XKR4: variants seen among roughly 807,000 people sequenced by gnomAD.
The protein encoded by XKR4 is XK-related protein 4.
Under a neutral mutation model 53.9 loss-of-function variants are expected in XKR4, and 12 were observed. The observed-to-expected ratio is 0.22, with a 90% CI of 0.14 to 0.36. XKR4 has a LOEUF of 0.36. Among genes scored for constraint, XKR4 ranks in the 10% least tolerant of loss-of-function variants. The pLI is 1.00. For synonymous variants in XKR4, 354 were observed against 362.4 expected (o/e 0.98, Z 0.26); for missense variants, 799 against 859.5 (o/e 0.93, Z 0.88).
At chr8:55,130,701 T>A (rs554443687) in intron 1 of XKR4, among the ~76,000 whole-genome samples, 3 of 152,270 alleles carry the variant, frequency 2.0e-5, no homozygotes, top group Admixed American at 2.0e-4. Flanking sequence ...TAGGCCCCCA[T>A]TATCTATGAG....
intron 2 of XKR4, chr8:55,451,462 TC>T: frequency 1.6e-6 from 2 of 1,249,200 alleles, no homozygotes; most frequent in Non-Finnish European, 2.3e-6. Context: ...CTTCTCCTGC[TC>T]CAGGCTACTC....
chr8:55,451,295 G>T, intron 2 of XKR4: 3 of 595,394 alleles, frequency 5.0e-6, no homozygotes. Context: ...GGTGCAGTCA[G>T]TCTGGATGCC....
intron 1 of XKR4, among the ~76,000 whole-genome samples, chr8:55,282,348 G>T (rs1818855346): frequency 6.6e-6 from 1 of 152,106 alleles, no homozygotes; most frequent in Admixed American, 6.5e-5. Context: ...TGCTATAAAG[G>T]AATACCTGAG....
intron 1 of XKR4, among the ~76,000 whole-genome samples, chr8:55,342,695 C>T (rs1466901506): frequency 6.6e-6 from 1 of 152,180 alleles, no homozygotes; most frequent in Non-Finnish European, 1.5e-5. Flanking sequence ...GGCTTGCTTC[C>T]TCTTCCTCCT....
chr8:55,147,576 G>A (rs537415098), intron 1 of XKR4, among the ~76,000 whole-genome samples: 11 of 152,264 alleles, frequency 7.2e-5, no homozygotes, highest in South Asian at 2.1e-4. Context: ...GTTCCTGTCC[G>A]AGGAGGCAAG....
At chr8:55,495,861 A>G (rs574098912) in intron 2 of XKR4, among the ~76,000 whole-genome samples, 2 of 152,360 alleles carry the variant, frequency 1.3e-5, no homozygotes, top group East Asian at 3.9e-4. Context: ...TGGCCACTCC[A>G]GATGGCCTGC....
intron 1 of XKR4, among the ~76,000 whole-genome samples, chr8:55,286,371 C>T (rs141120617): frequency 2.6e-5 from 4 of 152,302 alleles, no homozygotes; most frequent in African/African-American, 7.2e-5. Flanking sequence ...TGTTGGACAC[C>T]GCAGGGTCCG....
intron 1 of XKR4, among the ~76,000 whole-genome samples, chr8:55,307,054 G>T (rs990364542): frequency 1.2e-4 from 18 of 151,916 alleles, no homozygotes; most frequent in African/African-American, 4.3e-4. Flanking sequence ...AAAAAAATAG[G>T]AGAAAATATT....
At chr8:55,470,880 G>C (rs570097432) in intron 2 of XKR4, among the ~76,000 whole-genome samples, 67 of 152,186 alleles carry the variant, frequency 4.4e-4, no homozygotes, top group African/African-American at 1.4e-3. Flanking sequence ...AAATATTTCA[G>C]CCAAGATTCA....
chr8:55,133,017 C>G (rs1039882928), intron 1 of XKR4, among the ~76,000 whole-genome samples: 1 of 151,928 alleles, frequency 6.6e-6, no homozygotes, highest in African/African-American at 2.4e-5. Flanking sequence ...CCAGGTTGGT[C>G]CTTGAAAGAT....
At chr8:55,449,163 T>TATTC (rs1805386318) in intron 2 of XKR4, among the ~76,000 whole-genome samples, 1 of 151,864 alleles carries the variant, frequency 6.6e-6, no homozygotes, top group South Asian at 2.1e-4. Flanking sequence ...TAGATTTATT[T>TATTC]ATTTATTTAT....
intron 2 of XKR4, among the ~76,000 whole-genome samples, chr8:55,413,521 C>T (rs1239002494): frequency 2.0e-5 from 3 of 152,296 alleles, no homozygotes; most frequent in East Asian, 1.9e-4. Flanking sequence ...CCACTGCTCC[C>T]GGCAGTATCT....
Position 55,186,384 on chromosome 8 carries a change from T to G in XKR4, c.806+83090T>G, listed in dbSNP as rs192125481. On this transcript the variant is annotated intron_variant, in intron 1 of 2. Coordinates refer to ENST00000327381, the MANE Select transcript of XKR4 (RefSeq NM_052898.2). ...AAAAATTCAAATAGAGGCCGGGCGC[T>G]GTGGCTCATGCCTGTAATTGCAGCA... 5.7e-4 allele frequency among the ~76,000 whole-genome samples: 87 copies of G among 152,294 alleles called. No homozygotes were observed. In the South Asian group the frequency reaches 7.0e-3, roughly 12 times the overall value.
At chr8:55,399,351 C>T (rs537060471) in intron 2 of XKR4, among the ~76,000 whole-genome samples, 20 of 152,324 alleles carry the variant, frequency 1.3e-4, no homozygotes, top group African/African-American at 1.9e-4. Context: ...GTACTACCAA[C>T]ACTTACAGTC....
rs183800801 is a variant in XKR4 at position 55,249,889 on chromosome 8, C to T, written c.807-107789C>T. Among the ~76,000 whole-genome samples the T allele has an allele frequency of 3.0e-4, 46 of 152,150 alleles. 1 individual carries two copies. The highest frequency in any genetic ancestry group is 2.2e-3 in the Admixed American group (33 of 15,292). ...GTGTTAAATAGCACCATTTGATTTG[C>T]GGTACTCTAATGTATAAGAATGTGA... On this transcript the variant is annotated intron_variant, in intron 1 of 2. Coordinates refer to ENST00000327381, the MANE Select transcript of XKR4 (RefSeq NM_052898.2).
intron 2 of XKR4, among the ~76,000 whole-genome samples, chr8:55,385,809 A>G (rs1804301208): frequency 6.6e-6 from 1 of 152,236 alleles, no homozygotes; most frequent in African/African-American, 2.4e-5. Flanking sequence ...AACCTGTTAG[A>G]AAGAACCATG....
At chr8:55,453,727 C>A (rs1054599049) in intron 2 of XKR4, 2 of 385,950 alleles carry the variant, frequency 5.2e-6, no homozygotes, top group South Asian at 2.1e-5. Flanking sequence ...TGTTGTGCAT[C>A]GCCAAGTCTG....
chr8:55,386,023 G>A (rs1157770602), intron 2 of XKR4, among the ~76,000 whole-genome samples: 4 of 152,108 alleles, frequency 2.6e-5, no homozygotes, highest in African/African-American at 9.7e-5. Context: ...TTTAAAATGA[G>A]TCTGAAGGCA....
chr8:55,280,701 A>T (rs575802313), intron 1 of XKR4, among the ~76,000 whole-genome samples: 32 of 152,314 alleles, frequency 2.1e-4, no homozygotes, highest in East Asian at 1.2e-3. Context: ...ATGGATTTTT[A>T]AAAAATACTT....
Sources: gnomAD v4.1 joint callset for allele counts (sites outside exome capture counted in the v4.1 genomes callset) on GRCh38, gnomAD v4.1.1 for gene constraint, MANE v1.5 for transcripts, NCBI Gene and HGNC (gene_info 2026-07-23, HGNC 2026-07-21) for gene names.